Variants in DPP10 observed in about 807,000 individuals in gnomAD.
The protein encoded by DPP10 is inactive dipeptidyl peptidase 10.
Under a neutral mutation model 120.9 loss-of-function variants are expected in DPP10, and 33 were observed. The ratio of observed to expected loss-of-function variants is 0.27; its 90% CI spans 0.21 to 0.37. DPP10 has a LOEUF of 0.37. Among genes scored for constraint, DPP10 ranks in the 10% least tolerant of loss-of-function variants. The pLI is 1.00. For missense variants in DPP10, 816 were observed against 942.8 expected (o/e 0.87, Z 1.76); for synonymous variants, 337 against 326.1 (o/e 1.03, Z -0.36).
intron 3 of DPP10, among the ~76,000 whole-genome samples, chr2:115,392,972 A>C (rs1216849211): frequency 6.6e-6 from 1 of 152,146 alleles, no homozygotes; most frequent in African/African-American, 2.4e-5. Context: ...GCATATTTAT[A>C]TTGAATTTTC....
Position 114,477,997 on chromosome 2 carries a change from A to G in DPP10, c.60+35159A>G, listed in dbSNP as rs13018342. On this transcript the variant is annotated intron_variant, in intron 1 of 25. Transcript: ENST00000410059. ...TGTGTATATATGTACATATATGTGTATATATGTATGTATTTCTATTGATGA... is the reference window on the plus strand; with the variant it reads ...TGTGTATATATGTACATATATGTGTGTATATGTATGTATTTCTATTGATGA... Among the ~76,000 whole-genome samples the G allele has an allele frequency of 2.9e-3, 327 of 113,314 alleles. 3 individuals carry two copies. Among genetic ancestry groups the G allele is most frequent in the Admixed American group, 6.5e-3 (67 of 10,308 alleles). The allele number at this position is 113,314 out of a possible 152,430, so 74.3% of individuals were successfully genotyped here. A position where few individuals can be genotyped will look rare whatever the true frequency, so the allele number is the denominator to read the frequency against.
chr2:115,438,559 G>A (rs1026518525), intron 3 of DPP10, among the ~76,000 whole-genome samples: 8 of 152,274 alleles, frequency 5.3e-5, no homozygotes, highest in Admixed American at 1.3e-4. Context: ...ATATTATTTA[G>A]CCTTAAAGAG....
intron 1 of DPP10, among the ~76,000 whole-genome samples, chr2:114,492,425 C>T (rs1308922256): frequency 6.6e-6 from 1 of 151,870 alleles, no homozygotes; most frequent in Non-Finnish European, 1.5e-5. Context: ...ATAGTAACAG[C>T]AACGGTAGGA....
rs116749183 is a variant in DPP10 at position 115,792,008 on chromosome 2, G to A, written c.1700+652G>A. Among the ~76,000 whole-genome samples, 445 of 152,122 alleles carry A rather than the reference G, an allele frequency of 2.9e-3. 3 individuals carry two copies. The highest frequency in any genetic ancestry group is 0.01 in the African/African-American group (426 of 41,498). On this transcript the variant is annotated intron_variant, in intron 19 of 25. Coordinates refer to ENST00000410059, the MANE Select transcript of DPP10 (RefSeq NM_020868.6). Reference sequence around the variant, plus strand: ...TATTGATATAATAGTGCTTAAAACAGTCTAAAATTATATCTTTAGATACAA... The same window carrying A: ...TATTGATATAATAGTGCTTAAAACAATCTAAAATTATATCTTTAGATACAA...
intron 1 of DPP10, among the ~76,000 whole-genome samples, chr2:114,667,985 T>C (rs1698056372): frequency 6.6e-6 from 1 of 152,208 alleles, no homozygotes; most frequent in South Asian, 2.1e-4. Flanking sequence ...CAGTGACCTC[T>C]TGAGGCTTAA....
chr2:114,848,911 G>T (rs1688743369), intron 1 of DPP10, among the ~76,000 whole-genome samples: 2 of 152,116 alleles, frequency 1.3e-5, no homozygotes, highest in Non-Finnish European at 2.9e-5. Context: ...CAAAGGTCTG[G>T]CAAGTTCAAT....
chr2:115,291,129 G>T (rs573559298), intron 1 of DPP10, among the ~76,000 whole-genome samples: 5 of 151,988 alleles, frequency 3.3e-5, no homozygotes, highest in Non-Finnish European at 7.4e-5. Context: ...TAAGCCTCCA[G>T]GGTAGCTGGG....
At chr2:114,617,492 G>A (rs373909867) in intron 1 of DPP10, among the ~76,000 whole-genome samples, 1 of 152,030 alleles carries the variant, frequency 6.6e-6, no homozygotes. Context: ...TTTCTAAATT[G>A]TATATGTTTG....
At chr2:114,857,396 G>A (rs1288942157) in intron 1 of DPP10, among the ~76,000 whole-genome samples, 1 of 152,154 alleles carries the variant, frequency 6.6e-6, no homozygotes, top group African/African-American at 2.4e-5. Flanking sequence ...CACCTGACCT[G>A]CTAATCAGCA....
chr2:114,481,868 GGA>G (rs751648693), intron 1 of DPP10, among the ~76,000 whole-genome samples: 12 of 148,830 alleles, frequency 8.1e-5, no homozygotes, highest in Admixed American at 1.3e-4. Flanking sequence ...TTCTTCACAA[GGA>G]GAGAGAGAGA....
intron 1 of DPP10, among the ~76,000 whole-genome samples, chr2:115,179,816 G>A (rs2105131923): frequency 6.6e-6 from 1 of 152,058 alleles, no homozygotes; most frequent in East Asian, 1.9e-4. Context: ...AAGAAAAATA[G>A]CAGCATTGAA....
intron 1 of DPP10, among the ~76,000 whole-genome samples, chr2:114,515,707 CTCT>C (rs962877859): frequency 7.9e-5 from 12 of 151,712 alleles, no homozygotes; most frequent in African/African-American, 2.2e-4. Flanking sequence ...AATGGCTCTC[CTCT>C]TCTTCTTCCT....
chr2:115,710,459 C>T (rs2092281400), intron 7 of DPP10, among the ~76,000 whole-genome samples: 1 of 152,006 alleles, frequency 6.6e-6, no homozygotes, highest in African/African-American at 2.4e-5. Context: ...ATAATTTTCA[C>T]AAGGCACTTT....
chr2:114,468,468 C>T (rs1302911816), intron 1 of DPP10, among the ~76,000 whole-genome samples: 2 of 148,206 alleles, frequency 1.3e-5, no homozygotes, highest in Non-Finnish European at 1.5e-5. Flanking sequence ...AAATGGCAAG[C>T]GATAGCTATC....
intron 2 of DPP10, among the ~76,000 whole-genome samples, chr2:115,338,627 A>G (rs1321472343): frequency 6.6e-6 from 1 of 152,102 alleles, no homozygotes; most frequent in Non-Finnish European, 1.5e-5. Flanking sequence ...TGCCCAGCTC[A>G]GTATCATTTT....
In DPP10 at chr2:115,836,690, A is replaced by G. The variant is rs1327172224; in HGVS notation, c.2126A>G (p.His709Arg). 2 of 1,613,540 alleles carry G rather than the reference A, an allele frequency of 1.2e-6. No homozygotes were observed. Among genetic ancestry groups the G allele is most frequent in the Non-Finnish European group, 1.7e-6 (2 of 1,179,772 alleles). The change falls in exon 24 of 26, where the codon CAT becomes CGT. Residue 709 changes from histidine (H) to arginine (R), a missense_variant. Physicochemically the swap from His to Arg is conservative, Grantham distance 29. Around this residue, in one of 3 missense-constraint regions of DPP10, gnomAD observed 592 missense variants for 649.0 expected, o/e 0.91. Coordinates refer to ENST00000410059, the MANE Select transcript of DPP10 (RefSeq NM_020868.6). ...CCTTTATAGGCAGCCAGTGTGCTAC[A>G]TAATGTTCATGGCTTGAAAGAAGAA... ...ESTYQAASVL[H>R]NVHGLKEENI...
intron 1 of DPP10, among the ~76,000 whole-genome samples, chr2:114,844,076 T>G (rs1038871447): frequency 6.6e-6 from 1 of 152,146 alleles, no homozygotes; most frequent in Admixed American, 6.6e-5. Context: ...TAGTGAGCAC[T>G]GCTTTGATCC....
intron 10 of DPP10, among the ~76,000 whole-genome samples, chr2:115,749,679 G>T (rs188471554): frequency 6.6e-6 from 1 of 152,110 alleles, no homozygotes; most frequent in Non-Finnish European, 1.5e-5. Context: ...TTTGTAGAAC[G>T]CTAGCTATAA....
chr2:115,515,844 C>G (rs1176024809), intron 4 of DPP10, among the ~76,000 whole-genome samples: 1 of 151,960 alleles, frequency 6.6e-6, no homozygotes, highest in East Asian at 1.9e-4. Context: ...GGAAATATTA[C>G]CCTTAAATTT....
Sources: allele counts gnomAD v4.1 joint callset (sites outside exome capture counted in the v4.1 genomes callset), GRCh38; gene constraint gnomAD v4.1.1; regional missense constraint gnomAD v4.1.1; transcripts MANE v1.5; gene names NCBI Gene and HGNC (gene_info 2026-07-23, HGNC 2026-07-21).